The following GPR176 variants were observed in gnomAD, a reference collection of about 807,000 sequenced individuals.
The protein encoded by GPR176 is G protein-coupled receptor 176.
A neutral mutation model predicts 35.4 loss-of-function variants in GPR176; 26 were observed. That is an observed-to-expected ratio of 0.74 (90% CI 0.54 to 1.02). GPR176 has a LOEUF of 1.02. Ranked by LOEUF, GPR176 falls within the 50% of genes least tolerant of loss-of-function variation. GPR176 has a pLI of 0.00. For missense variants in GPR176, 597 were observed against 665.3 expected (o/e 0.90, Z 1.13); for synonymous variants, 278 against 271.3 (o/e 1.02, Z -0.24).
At chr15:39,895,289 A>AGAGGGAGAACGTGGGGAGAGGAAGAGGG (rs144343033) in intron 1 of GPR176, among the ~76,000 whole-genome samples, 1 of 87,292 alleles carries the variant, frequency 1.1e-5, no homozygotes. Flanking sequence ...TGGGGAGAGG[A>AGAGGGAGAACGTGGGGAGAGGAAGAGGG]AGAGGGGGAG....
intron 1 of GPR176, among the ~76,000 whole-genome samples, chr15:39,905,447 CAAAA>C (rs35302123): frequency 2.2e-5 from 2 of 91,116 alleles, no homozygotes; most frequent in Non-Finnish European, 4.7e-5. Flanking sequence ...CTCGTCTCTA[CAAAA>C]AAAAAAAAAA....
intron 1 of GPR176, chr15:39,813,532 A>C (rs143381296): frequency 6.6e-6 from 1 of 152,144 alleles, no homozygotes; most frequent in Non-Finnish European, 1.5e-5. Flanking sequence ...ACTGACTCTT[A>C]CCTTTGCTTC....
intron 1 of GPR176, among the ~76,000 whole-genome samples, chr15:39,832,639 A>C (rs1901163357): frequency 7.0e-6 from 1 of 143,638 alleles, no homozygotes; most frequent in Admixed American, 7.1e-5. Context: ...AACGCTAATG[A>C]TAGCTGATGA....
intron 1 of GPR176, among the ~76,000 whole-genome samples, chr15:39,899,942 C>T (rs2033226429): frequency 6.6e-6 from 1 of 152,034 alleles, no homozygotes; most frequent in African/African-American, 2.4e-5. Flanking sequence ...AGATTTCCAA[C>T]CTTCTCTTCC....
chr15:39,892,092 G>A (rs1297289098), intron 1 of GPR176, among the ~76,000 whole-genome samples: 1 of 152,162 alleles, frequency 6.6e-6, no homozygotes, highest in Non-Finnish European at 1.5e-5. Context: ...ATATGTGTTA[G>A]CACTGTGCCA....
intron 2 of GPR176, among the ~76,000 whole-genome samples, chr15:39,802,846 A>C (rs985156351): frequency 6.6e-6 from 1 of 152,232 alleles, no homozygotes; most frequent in Non-Finnish European, 1.5e-5. Flanking sequence ...ACAAAAATCA[A>C]TTCAGCTGAC....
At chr15:39,803,972 G>A (rs1899044168) in intron 2 of GPR176, among the ~76,000 whole-genome samples, 1 of 151,922 alleles carries the variant, frequency 6.6e-6, no homozygotes, top group Non-Finnish European at 1.5e-5. Context: ...AAGTGCATAA[G>A]TGATGCATGC....
chr15:39,799,585 T>A lies in GPR176; in HGVS notation c.*1547A>T, dbSNP rs1171534378. ...CTCCCTCCAAGAGACGGGGCCAGTGTGGCCAAAAGAGGGCACGAGTTGAGA... is the reference window on the plus strand; with the variant it reads ...CTCCCTCCAAGAGACGGGGCCAGTGAGGCCAAAAGAGGGCACGAGTTGAGA... On this transcript the variant is annotated 3_prime_UTR_variant, in exon 3 of 3. Transcript: ENST00000561100. 1.3e-5 allele frequency: 2 copies of A among 151,904 alleles called. No homozygotes were observed. The highest frequency in any genetic ancestry group is 2.9e-5 in the Non-Finnish European group (2 of 67,980). 9.4% of individuals were successfully genotyped at this position (151,904 alleles called of 1,614,324 possible).
Position 39,807,254 on chromosome 15 carries a change from G to A in GPR176, c.177C>T (p.Asn59=). 1 of 1,543,444 alleles carries A rather than the reference G, an allele frequency of 6.5e-7. No individual in the cohort carries two copies. Among genetic ancestry groups the A allele is most frequent in the Non-Finnish European group, 8.7e-7 (1 of 1,143,214 alleles). ...GGCAAGTTGACCATAACACCATGAA[G>A]TTTCCTGGTCAGATATGAAAGAAAA... is the stretch of plus-strand genomic sequence containing the variant. ...VVIFIGSLLG[N]FMVLWSTCRT... The change falls in exon 2 of 3, where the codon AAC becomes AAT. Residue 59 remains asparagine (N), a synonymous_variant. Coordinates refer to ENST00000561100, the MANE Select transcript of GPR176 (RefSeq NM_007223.3).
rs373229009 is a variant in GPR176 at position 39,802,135 on chromosome 15, T to A, written c.545A>T (p.Asn182Ile). The A allele has an allele frequency of 6.2e-7, 1 of 1,614,212 alleles. No individual in the cohort carries two copies. Among genetic ancestry groups the A allele is most frequent in the South Asian group, 1.1e-5 (1 of 91,088 alleles). ...GGACGTGGCATAGATGTCAGCCACA[T>A]TGGTTACTGCAAACACAGGGACACT... Reference protein sequence around the residue: ...VASVPVFAVTNVADIYATSTC... With the variant: ...VASVPVFAVTIVADIYATSTC... The change falls in exon 3 of 3, where the codon AAT becomes ATT. Residue 182 changes from asparagine to isoleucine, a missense_variant. Asn to Ile is a moderately radical substitution (Grantham distance 149). Transcript: ENST00000561100.
At chr15:39,875,822 C>T (rs1468767419) in intron 1 of GPR176, among the ~76,000 whole-genome samples, 1 of 151,854 alleles carries the variant, frequency 6.6e-6, no homozygotes, top group Non-Finnish European at 1.5e-5. Flanking sequence ...AAGTTTCTTC[C>T]ACATACACAA....
At chr15:39,911,284 C>CAAAAAATA (rs2033569979) in intron 1 of GPR176, among the ~76,000 whole-genome samples, 1 of 151,888 alleles carries the variant, frequency 6.6e-6, no homozygotes, top group African/African-American at 2.4e-5. Flanking sequence ...ATATAAAAAG[C>CAAAAAATA]AAAAAATAAA....
intron 2 of GPR176, among the ~76,000 whole-genome samples, chr15:39,802,641 G>T (rs1898959141): frequency 2.6e-5 from 4 of 152,160 alleles, no homozygotes; most frequent in Admixed American, 2.6e-4. Flanking sequence ...CAATTTGAGG[G>T]TAAAGGGTAA....
intron 1 of GPR176, among the ~76,000 whole-genome samples, chr15:39,836,893 T>C (rs986555085): frequency 2.6e-5 from 4 of 152,154 alleles, no homozygotes; most frequent in African/African-American, 4.8e-5. Flanking sequence ...ATAACAATAA[T>C]GCAGTGTTAC....
intron 1 of GPR176, among the ~76,000 whole-genome samples, chr15:39,818,129 T>A (rs754120988): frequency 2.6e-4 from 40 of 152,312 alleles, no homozygotes; most frequent in Non-Finnish European, 4.0e-4. Flanking sequence ...TTCAGTACAA[T>A]TTGCTCTTCC....
At chr15:39,857,072 T>A (rs562501597) in intron 1 of GPR176, among the ~76,000 whole-genome samples, 3 of 152,256 alleles carry the variant, frequency 2.0e-5, no homozygotes, top group Admixed American at 2.0e-4. Context: ...GGGAAAGCTG[T>A]CTAACTGTAT....
chr15:39,865,430 T>C (rs181775477), intron 1 of GPR176, among the ~76,000 whole-genome samples: 17 of 152,304 alleles, frequency 1.1e-4, no homozygotes, highest in Admixed American at 1.1e-3. Context: ...ATCAGTATCT[T>C]AAGTGAAACA....
rs148965182 is a variant in GPR176, at chr15:39,807,221, G to C, written c.210C>G (p.Thr70=). The change falls in exon 2 of 3, where the codon ACC becomes ACG. Residue 70 remains threonine, a synonymous_variant. Coordinates refer to ENST00000561100, the MANE Select transcript of GPR176 (RefSeq NM_007223.3). The part of the protein sequence containing the change: ...FMVLWSTCRT[T]VFKSVTNRFI... ...ACCTGTTGGTGACAGATTTGAACACGGTTGTGCGGCAAGTTGACCATAACA... is the reference window on the plus strand; with the variant it reads ...ACCTGTTGGTGACAGATTTGAACACCGTTGTGCGGCAAGTTGACCATAACA... 1.2e-6 allele frequency: 2 copies of C among 1,608,170 alleles called. No homozygotes were observed. The highest frequency in any genetic ancestry group is 1.1e-5 in the South Asian group (1 of 90,052).
At chr15:39,812,514 C>T (rs1899635519) in intron 1 of GPR176, among the ~76,000 whole-genome samples, 1 of 152,172 alleles carries the variant, frequency 6.6e-6, no homozygotes, top group South Asian at 2.1e-4. Context: ...CCTTTGGCTA[C>T]ACACTGAAGG....
Sources: allele counts gnomAD v4.1 joint callset (sites outside exome capture counted in the v4.1 genomes callset), GRCh38; gene constraint gnomAD v4.1.1; transcripts MANE v1.5; gene names NCBI Gene and HGNC (gene_info 2026-07-23, HGNC 2026-07-21).